FOLH1: variants seen among roughly 807,000 people sequenced by gnomAD.
FOLH1 encodes folate hydrolase 1.
FOLH1 carries 54 observed loss-of-function variants against 93.9 expected under a neutral mutation model. That is an observed-to-expected ratio of 0.57 (90% CI 0.46 to 0.72). The LOEUF is 0.72. Ranked by LOEUF, FOLH1 falls within the 30% of genes least tolerant of loss-of-function variation. FOLH1 has a pLI of 0.00. For missense variants in FOLH1, 571 were observed against 892.5 expected (o/e 0.64, Z 4.59); for synonymous variants, 249 against 303.6 (o/e 0.82, Z 1.87).
chr11:49,204,523 C>T (rs1863641908), intron 2 of FOLH1, among the ~76,000 whole-genome samples: 1 of 152,110 alleles, frequency 6.6e-6, no homozygotes, highest in Admixed American at 6.6e-5. Flanking sequence ...CTTGCCAGAC[C>T]TCCACTTTTA....
Position 49,173,438 on chromosome 11 carries a change from C to T in FOLH1, c.1144G>A (p.Val382Met). Residue 382 changes from valine to methionine, a missense_variant, in exon 10 of 19, where the codon GTG (valine) becomes ATG (methionine). Val to Met is a conservative substitution (Grantham distance 21). Transcript: ENST00000256999. ...CTCTGAGGGTCAATACCACCAAACA[C>T]CCATGAGTCCCGGTGACCTCCCAGA... ...VILGGHRDSWVFGGIDPQSGA... is the reference protein window; with the variant it reads ...VILGGHRDSWMFGGIDPQSGA... The T allele has an allele frequency of 6.2e-7, 1 of 1,611,566 alleles. No individual in the cohort carries two copies. Among genetic ancestry groups the T allele is most frequent in the Non-Finnish European group, 8.5e-7 (1 of 1,178,342 alleles).
intron 7 of FOLH1, among the ~76,000 whole-genome samples, chr11:49,176,554 T>C (rs1860064958): frequency 6.6e-6 from 1 of 152,164 alleles, no homozygotes; most frequent in Admixed American, 6.5e-5. Flanking sequence ...GTAATGTTTA[T>C]GAAATGGTGG....
intron 6 of FOLH1, 138 bp downstream of exon 6, chr11:49,185,531 G>C (rs2135196929): frequency 8.8e-7 from 1 of 1,138,246 alleles, no homozygotes; most frequent in East Asian, 2.6e-5. Context: ...AATCACTTTA[G>C]AGTTCAAAAT....
intron 1 of FOLH1, chr11:49,207,979 A>AAAACAAAAGC (rs1491109801): frequency 8.1e-5 from 43 of 534,106 alleles, no homozygotes; most frequent in East Asian, 1.6e-4. Context: ...AAACAAAAGC[A>AAAACAAAAGC]AAAAAAAAAC....
At chr11:49,190,914 T>C (rs1861953782) in intron 4 of FOLH1, among the ~76,000 whole-genome samples, 1 of 152,232 alleles carries the variant, frequency 6.6e-6, no homozygotes, top group Non-Finnish European at 1.5e-5. Flanking sequence ...ATATAAAATA[T>C]ACTTTAAAAA....
chr11:49,175,876 A>C lies in FOLH1; in HGVS notation c.1002T>G (p.Thr334=). The C allele has an allele frequency of 6.2e-7, 1 of 1,613,650 alleles. No homozygotes were observed. The highest frequency in any genetic ancestry group is 8.5e-7 in the Non-Finnish European group (1 of 1,179,748). ...KVPYNVGPGF[T]GNFSTQKVKM... is the part of the protein sequence containing the mutation. ...CTCTTAACTGTGTAGAAAAGTTTCC[A>C]GTAAAGCCAGGTCCAACATTGTAGG... Residue 334 remains threonine, a synonymous_variant, in exon 8 of 19, where the codon ACT becomes ACG. Transcript: ENST00000256999.
At chr11:49,191,075 G>C (rs1335570682) in intron 4 of FOLH1, among the ~76,000 whole-genome samples, 1 of 152,128 alleles carries the variant, frequency 6.6e-6, no homozygotes, top group Non-Finnish European at 1.5e-5. Context: ...CAGGAGGCGC[G>C]ATCTCGGCTC....
chr11:49,208,489 G>A lies in FOLH1; in HGVS notation c.-80C>T. The A allele has an allele frequency of 3.1e-6, 3 of 968,628 alleles. No homozygotes were observed. The highest frequency in any genetic ancestry group is 4.6e-6 in the Non-Finnish European group (3 of 647,126). The allele number at this position is 968,628 out of a possible 1,614,324, so 60.0% of individuals were successfully genotyped here. A position where few individuals can be genotyped will look rare whatever the true frequency, so the allele number is the denominator to read the frequency against. On this transcript the variant is annotated 5_prime_UTR_variant, in exon 1 of 19. Coordinates refer to ENST00000256999, the MANE Select transcript of FOLH1 (RefSeq NM_004476.3). ...TGCGCGCCCTCCAACCACCACGGCG[G>A]GGTAAAGTCTCTCTCAATCTCACTA...
At chr11:49,183,652 A>T (rs1861044286) in intron 6 of FOLH1, among the ~76,000 whole-genome samples, 2 of 152,348 alleles carry the variant, frequency 1.3e-5, no homozygotes, top group Non-Finnish European at 2.9e-5. Context: ...AACAATCCGT[A>T]GTATAATCCC....
chr11:49,163,298 G>A (rs1210101077), intron 13 of FOLH1, among the ~76,000 whole-genome samples: 1 of 152,076 alleles, frequency 6.6e-6, no homozygotes, highest in Non-Finnish European at 1.5e-5. Flanking sequence ...ACCCTAGTTG[G>A]GAGGCTCCAC....
chr11:49,178,301 T>C (rs948607684), intron 7 of FOLH1, among the ~76,000 whole-genome samples: 4 of 152,240 alleles, frequency 2.6e-5, no homozygotes, highest in African/African-American at 9.6e-5. Flanking sequence ...AGCAGAGAAC[T>C]ATGCTAATAC....
intron 2 of FOLH1, among the ~76,000 whole-genome samples, chr11:49,205,706 A>G (rs1228049444): frequency 6.6e-6 from 1 of 152,252 alleles, no homozygotes; most frequent in African/African-American, 2.4e-5. Flanking sequence ...TGACACATCA[A>G]TTATATGAAA....
intron 7 of FOLH1, among the ~76,000 whole-genome samples, chr11:49,176,250 G>C (rs1325441533): frequency 3.9e-5 from 6 of 152,178 alleles, no homozygotes; most frequent in Non-Finnish European, 8.8e-5. Flanking sequence ...CCAGTATCTA[G>C]TAGTAAATCT....
chr11:49,198,274 G>A (rs1470869004), intron 3 of FOLH1, among the ~76,000 whole-genome samples: 1 of 152,110 alleles, frequency 6.6e-6, no homozygotes. Context: ...GAGGTCAGCA[G>A]ATCGAGACCA....
chr11:49,148,316 C>A (rs983173203), intron 18 of FOLH1, among the ~76,000 whole-genome samples: 2 of 150,846 alleles, frequency 1.3e-5, no homozygotes, highest in Admixed American at 1.3e-4. Flanking sequence ...TTATACACAC[C>A]AGAATATAAC....
intron 11 of FOLH1, among the ~76,000 whole-genome samples, chr11:49,170,302 T>C (rs1481781645): frequency 6.6e-6 from 1 of 152,152 alleles, no homozygotes; most frequent in African/African-American, 2.4e-5. Flanking sequence ...TCATTATGAA[T>C]TAAGAAAGAT....
At chr11:49,204,596 A>T (rs1863654429) in intron 2 of FOLH1, among the ~76,000 whole-genome samples, 1 of 152,162 alleles carries the variant, frequency 6.6e-6, no homozygotes, top group East Asian at 1.9e-4. Context: ...GTTTTCCACA[A>T]AGATAAAGAA....
intron 13 of FOLH1, among the ~76,000 whole-genome samples, chr11:49,159,781 C>G (rs1857470205): frequency 6.6e-6 from 1 of 152,048 alleles, no homozygotes; most frequent in East Asian, 1.9e-4. Context: ...GGTTGGTAAG[C>G]TATTTATTAC....
intron 2 of FOLH1, among the ~76,000 whole-genome samples, chr11:49,203,194 T>G (rs1373479158): frequency 6.6e-6 from 1 of 152,120 alleles, no homozygotes; most frequent in Non-Finnish European, 1.5e-5. Flanking sequence ...AGACCAAAAG[T>G]CTAAAACACC....
Sources: gnomAD v4.1 joint callset for allele counts (sites outside exome capture counted in the v4.1 genomes callset) on GRCh38, gnomAD v4.1.1 for gene constraint, MANE v1.5 for transcripts, NCBI Gene and HGNC (gene_info 2026-07-23, HGNC 2026-07-21) for gene names.